The following BRF1 variants were observed in gnomAD, a reference collection of about 807,000 sequenced individuals.
The protein encoded by BRF1 is transcription factor IIIB 90 kDa subunit.
Under a neutral mutation model 81.7 loss-of-function variants are expected in BRF1, and 59 were observed. The ratio of observed to expected loss-of-function variants is 0.72; its 90% CI spans 0.59 to 0.90. BRF1 has a LOEUF of 0.90. Among genes scored for constraint, BRF1 ranks in the 40% least tolerant of loss-of-function variants. The pLI, the probability that BRF1 is intolerant of heterozygous loss-of-function variation, is 0.00. For synonymous variants in BRF1, 491 were observed against 395.6 expected, an observed-to-expected ratio of 1.24 and a Z score of -2.86; for missense variants, 1,050 against 936.3, an observed-to-expected ratio of 1.12 and a Z score of -1.58.
chr14:105,275,174 C>T lies in BRF1; in HGVS notation c.266-2280G>A, dbSNP rs1054652954. On this transcript the variant is annotated intron_variant, in intron 2 of 17. Coordinates refer to ENST00000547530, the MANE Select transcript of BRF1 (RefSeq NM_001519.4). ...CAGAGGTGGGCAGCTGCTGAGCCTG[C>T]ATCCCAAGGAAGCCGGTGGCCAGGG... is the stretch of plus-strand genomic sequence containing the variant. 1.1e-4 allele frequency among the ~76,000 whole-genome samples: 16 copies of T among 152,262 alleles called. 1 individual carries two copies. Among genetic ancestry groups the T allele is most frequent in the African/African-American group, 3.9e-4 (16 of 41,466 alleles).
intron 11 of BRF1, among the ~76,000 whole-genome samples, chr14:105,220,429 T>TCA (rs1005620329): frequency 1.2e-4 from 18 of 152,110 alleles, no homozygotes; most frequent in African/African-American, 4.1e-4. Flanking sequence ...ACAGAGGCTG[T>TCA]CAGGCCCCAA....
At chr14:105,297,229 T>C (rs2057783884) in intron 1 of BRF1, among the ~76,000 whole-genome samples, 1 of 152,060 alleles carries the variant, frequency 6.6e-6, no homozygotes, top group Non-Finnish European at 1.5e-5. Context: ...AAAATCTAAA[T>C]GAATGCAAAC....
chr14:105,267,958 C>T (rs1427028916), intron 3 of BRF1, among the ~76,000 whole-genome samples: 1 of 149,224 alleles, frequency 6.7e-6, no homozygotes, highest in Non-Finnish European at 1.5e-5. Context: ...TGCTCCCACG[C>T]GTGGCCAGGC....
intron 10 of BRF1, among the ~76,000 whole-genome samples, chr14:105,225,410 C>T (rs980434831): frequency 7.2e-5 from 11 of 152,282 alleles, no homozygotes; most frequent in Non-Finnish European, 1.6e-4. Flanking sequence ...CCTCATTATA[C>T]CCGCTTATAC....
At chr14:105,279,520 C>G (rs1352231315) in intron 2 of BRF1, among the ~76,000 whole-genome samples, 1 of 149,992 alleles carries the variant, frequency 6.7e-6, no homozygotes, top group Non-Finnish European at 1.5e-5. Context: ...ACACACCTAC[C>G]AGAAAGACTA....
chr14:105,218,806 C>T (rs1486721061), intron 14 of BRF1, among the ~76,000 whole-genome samples, 192 bp downstream of exon 14: 3 of 152,234 alleles, frequency 2.0e-5, no homozygotes, highest in Non-Finnish European at 2.9e-5. Flanking sequence ...GACGGCTGGG[C>T]GCCTGTGGCC....
chr14:105,278,687 C>T (rs1383769294), intron 2 of BRF1, among the ~76,000 whole-genome samples: 1 of 151,990 alleles, frequency 6.6e-6, no homozygotes, highest in Non-Finnish European at 1.5e-5. Context: ...GGGAGGATCA[C>T]TGGAGCCCAG....
chr14:105,242,811 G>T (rs891099261), intron 5 of BRF1, among the ~76,000 whole-genome samples: 11 of 141,986 alleles, frequency 7.7e-5, no homozygotes, highest in African/African-American at 2.3e-4. Context: ...CTATACAAAA[G>T]TTTTTGAAAA....
At chr14:105,259,973 T>C (rs1566844710) in intron 3 of BRF1, among the ~76,000 whole-genome samples, 2 of 152,258 alleles carry the variant, frequency 1.3e-5, no homozygotes, top group East Asian at 3.9e-4. Context: ...TAGGGCATTC[T>C]AGAACAGGCA....
chr14:105,286,821 A>C (rs1432798914), intron 1 of BRF1, among the ~76,000 whole-genome samples: 1 of 152,212 alleles, frequency 6.6e-6, no homozygotes, highest in East Asian at 1.9e-4. Context: ...AACACACTGC[A>C]AGTCCAGAGT....
At chr14:105,242,886 C>A (rs1392525150) in intron 5 of BRF1, among the ~76,000 whole-genome samples, 1 of 151,898 alleles carries the variant, frequency 6.6e-6, no homozygotes, top group Non-Finnish European at 1.5e-5. Context: ...GAGATTAGGG[C>A]GGGTGGATGA....
intron 3 of BRF1, among the ~76,000 whole-genome samples, chr14:105,257,606 A>G (rs191683160): frequency 3.9e-4 from 59 of 152,348 alleles, no homozygotes; most frequent in Admixed American, 8.5e-4. Flanking sequence ...AGGCAGTCCC[A>G]GAGGGCCGAG....
chr14:105,262,449 C>T (rs2056202570), intron 3 of BRF1, among the ~76,000 whole-genome samples: 2 of 152,212 alleles, frequency 1.3e-5, no homozygotes, highest in Non-Finnish European at 2.9e-5. Flanking sequence ...GGGCCTTGCC[C>T]ATCCCCTGCA....
intron 4 of BRF1, among the ~76,000 whole-genome samples, chr14:105,255,916 C>T (rs587748833): frequency 1.3e-5 from 2 of 152,204 alleles, no homozygotes; most frequent in Admixed American, 6.5e-5. Context: ...TGCTTGAGCT[C>T]AGGAGTTCAA....
At chr14:105,250,417 C>T in intron 5 of BRF1, 2 of 1,613,938 alleles carry the variant, frequency 1.2e-6, no homozygotes, top group South Asian at 1.1e-5. Context: ...TGGCTCAGAA[C>T]TTGACCAAGT....
chr14:105,250,871 G>A, intron 5 of BRF1: 1 of 627,350 alleles, frequency 1.6e-6, no homozygotes, highest in Non-Finnish European at 2.8e-6. Flanking sequence ...TGGTACAGTG[G>A]GGTGCACGTC....
At chr14:105,250,942 T>C (rs4677) in intron 5 of BRF1, 119,784 of 454,878 alleles carry the variant, frequency 0.26, 16,705 homozygotes, top group Middle Eastern at 0.31. Context: ...GTGGCACCCA[T>C]GCCACCTGCT....
chr14:105,211,921 C>G (rs781628617), intron 16 of BRF1, 192 bp downstream of exon 16: 4 of 775,656 alleles, frequency 5.2e-6, no homozygotes, highest in Non-Finnish European at 8.4e-6. Flanking sequence ...CCTGCCCGCT[C>G]CTGCTCCGGC....
chr14:105,250,683 G>A (rs1381120289), intron 5 of BRF1: 36 of 1,598,530 alleles, frequency 2.3e-5, no homozygotes, highest in Non-Finnish European at 2.6e-5. Flanking sequence ...GGTGCCCGGG[G>A]AGGCTGCAGC....
Sources: allele counts gnomAD v4.1 joint callset (sites outside exome capture counted in the v4.1 genomes callset), GRCh38; gene constraint gnomAD v4.1.1; transcripts MANE v1.5; gene names NCBI Gene and HGNC (gene_info 2026-07-23, HGNC 2026-07-21).